The following NCKAP5 variants were observed in gnomAD, a reference collection of about 807,000 sequenced individuals.
NCKAP5 encodes nck-associated protein 5.
Under a neutral mutation model 167.0 loss-of-function variants are expected in NCKAP5, and 92 were observed. The ratio of observed to expected loss-of-function variants is 0.55; its 90% CI spans 0.47 to 0.66. The LOEUF (loss-of-function observed/expected upper bound fraction) is 0.66, where lower values mean the gene tolerates loss of function less well. Among genes scored for constraint, NCKAP5 ranks in the 30% least tolerant of loss-of-function variants. NCKAP5 has a pLI of 0.00. For synonymous variants in NCKAP5, 891 were observed against 877.4 expected (o/e 1.02, Z -0.27); for missense variants, 2,378 against 2,315.0 (o/e 1.03, Z -0.56).
intron 2 of NCKAP5, among the ~76,000 whole-genome samples, chr2:133,536,322 G>C (rs781130474): frequency 6.6e-6 from 1 of 151,914 alleles, no homozygotes; most frequent in Non-Finnish European, 1.5e-5. Flanking sequence ...TATATGGTGA[G>C]AGGTAGGGGT....
At chr2:133,414,822 C>T (rs111273525) in intron 3 of NCKAP5, among the ~76,000 whole-genome samples, 11 of 152,220 alleles carry the variant, frequency 7.2e-5, no homozygotes, top group African/African-American at 1.7e-4. Flanking sequence ...ACTAATAATA[C>T]GGAGAAAGCA....
chr2:133,483,256 G>A (rs2151321493), intron 3 of NCKAP5, among the ~76,000 whole-genome samples: 1 of 152,236 alleles, frequency 6.6e-6, no homozygotes, highest in East Asian at 1.9e-4. Context: ...GGTGCATCTG[G>A]TCCTTGTTAA....
At chr2:132,894,029 G>A (rs963358421) in intron 8 of NCKAP5, among the ~76,000 whole-genome samples, 1 of 152,202 alleles carries the variant, frequency 6.6e-6, no homozygotes, top group South Asian at 2.1e-4. Flanking sequence ...CAGCCCATGA[G>A]ATGAGAGAGG....
At chr2:132,957,623 T>C (rs974433333) in intron 8 of NCKAP5, among the ~76,000 whole-genome samples, 3 of 152,138 alleles carry the variant, frequency 2.0e-5, no homozygotes, top group Admixed American at 6.5e-5. Flanking sequence ...AGTCTAGTCA[T>C]AGAAACTAGA....
At chr2:133,390,770 C>G (rs542295671) in intron 3 of NCKAP5, among the ~76,000 whole-genome samples, 9 of 152,212 alleles carry the variant, frequency 5.9e-5, no homozygotes, top group Middle Eastern at 3.4e-3. Flanking sequence ...TAGGCTCCAT[C>G]CCAGAAAAAC....
intron 1 of NCKAP5, among the ~76,000 whole-genome samples, chr2:133,560,654 C>T (rs1280922074): frequency 1.3e-5 from 2 of 152,122 alleles, no homozygotes; most frequent in Non-Finnish European, 1.5e-5. Context: ...TACCCTGCTC[C>T]TCCCCACCAC....
chr2:132,693,602 CGAAT>C (rs1558931289), intron 19 of NCKAP5, among the ~76,000 whole-genome samples: 6 of 68,264 alleles, frequency 8.8e-5, no homozygotes, highest in Admixed American at 3.4e-4. Context: ...AAGAATACCC[CGAAT>C]ACCCCACCCC....
intron 6 of NCKAP5, among the ~76,000 whole-genome samples, chr2:133,072,373 C>T (rs1458870535): frequency 6.6e-6 from 1 of 152,164 alleles, no homozygotes; most frequent in Non-Finnish European, 1.5e-5. Context: ...CCTCCAACAT[C>T]TCACCTTTTC....
At chr2:133,000,702 C>A (rs973374191) in intron 6 of NCKAP5, among the ~76,000 whole-genome samples, 1 of 152,070 alleles carries the variant, frequency 6.6e-6, no homozygotes, top group Non-Finnish European at 1.5e-5. Flanking sequence ...TGATGGATTT[C>A]TAAAATTTTT....
chr2:133,124,270 C>T (rs2082335469), intron 6 of NCKAP5, among the ~76,000 whole-genome samples: 1 of 152,110 alleles, frequency 6.6e-6, no homozygotes, highest in African/African-American at 2.4e-5. Flanking sequence ...CTTAATTATT[C>T]CCCCTTATTT....
At chr2:133,547,046 C>T (rs965647116) in intron 2 of NCKAP5, among the ~76,000 whole-genome samples, 5 of 152,168 alleles carry the variant, frequency 3.3e-5, no homozygotes, top group African/African-American at 4.8e-5. Flanking sequence ...TGAAGCAGGG[C>T]GAGGCATTGC....
intron 3 of NCKAP5, among the ~76,000 whole-genome samples, chr2:133,374,675 T>C (rs1301405292): frequency 6.6e-6 from 1 of 151,952 alleles, no homozygotes; most frequent in East Asian, 1.9e-4. Context: ...GCAGGGGGCA[T>C]GTGGGACATC....
At chr2:133,275,733 G>A (rs1443056309) in intron 4 of NCKAP5, among the ~76,000 whole-genome samples, 2 of 148,782 alleles carry the variant, frequency 1.3e-5, no homozygotes, top group Non-Finnish European at 3.0e-5. Flanking sequence ...GGCACAAAAG[G>A]AAAAATAACC....
At chr2:133,667,465 A>G in the NCKAP5 span, among the ~76,000 whole-genome samples, 5 of 152,168 alleles carry the variant, frequency 3.3e-5, no homozygotes, top group East Asian at 3.9e-4. Flanking sequence ...GATCATTGCC[A>G]TAGTTTACTA....
At chr2:133,672,066 T>C in the NCKAP5 span, among the ~76,000 whole-genome samples, 1 of 152,128 alleles carries the variant, frequency 6.6e-6, no homozygotes, top group African/African-American at 2.4e-5. Flanking sequence ...GAAAGAGTGA[T>C]GAAAGATGAG....
At chr2:133,623,783 CACT>C in the NCKAP5 span, among the ~76,000 whole-genome samples, 8 of 152,116 alleles carry the variant, frequency 5.3e-5, no homozygotes, top group Non-Finnish European at 1.2e-4. Flanking sequence ...CCAGTAATCC[CACT>C]ACTAGGTATC....
chr2:132,794,255 TATATATATAGAGAGAGAG>T (rs1280156017), intron 12 of NCKAP5, among the ~76,000 whole-genome samples: 16 of 49,014 alleles, frequency 3.3e-4, no homozygotes, highest in African/African-American at 1.0e-3. Context: ...TATATATATA[TATATATATAGAGAGAGAG>T]AGAGAGAGAG....
At chr2:133,634,093 C>T in the NCKAP5 span, among the ~76,000 whole-genome samples, 1 of 152,194 alleles carries the variant, frequency 6.6e-6, no homozygotes, top group Non-Finnish European at 1.5e-5. Context: ...TCTATTAAGC[C>T]TCTCTCTTAC....
At chr2:133,131,831 TAATAA>T (rs2082612325) in intron 5 of NCKAP5, among the ~76,000 whole-genome samples, 1 of 152,200 alleles carries the variant, frequency 6.6e-6, no homozygotes, top group African/African-American at 2.4e-5. Context: ...CATTTTACTA[TAATAA>T]AATAAACTCT....
Sources: gnomAD v4.1 joint callset for allele counts (sites outside exome capture counted in the v4.1 genomes callset) on GRCh38, gnomAD v4.1.1 for gene constraint, MANE v1.5 for transcripts, NCBI Gene and HGNC (gene_info 2026-07-23, HGNC 2026-07-21) for gene names.